Variants in C7orf78 observed in about 807,000 individuals in gnomAD.
C7orf78 encodes chromosome 7 open reading frame 78, also known as putative uncharacterized protein C7orf78.
At chr7:12,484,111 T>A in the C7orf78 span, 1 of 152,312 alleles carries the variant, frequency 6.6e-6, no homozygotes, top group South Asian at 2.1e-4. Context: ...AAGGGACGGA[T>A]AACTATAAAA....
the C7orf78 span, among the ~76,000 whole-genome samples, chr7:12,519,359 G>A: frequency 6.6e-6 from 1 of 152,168 alleles, no homozygotes; most frequent in African/African-American, 2.4e-5. Flanking sequence ...GGCAGCAAGA[G>A]CAGCTGCAGC....
chr7:12,500,622 T>C, the C7orf78 span, among the ~76,000 whole-genome samples: 8 of 151,818 alleles, frequency 5.3e-5, no homozygotes, highest in African/African-American at 1.7e-4. Context: ...CAGGACCAGA[T>C]GGATTCACAG....
the C7orf78 span, among the ~76,000 whole-genome samples, chr7:12,500,289 G>C: frequency 3.9e-5 from 6 of 151,938 alleles, no homozygotes; most frequent in East Asian, 1.2e-3. Flanking sequence ...ATGAATCCAG[G>C]AGCTTGTTTT....
the C7orf78 span, among the ~76,000 whole-genome samples, chr7:12,493,685 A>G: frequency 6.6e-6 from 1 of 152,204 alleles, no homozygotes; most frequent in Non-Finnish European, 1.5e-5. Flanking sequence ...TTAGATGTAT[A>G]ATCTTGGGCA....
the C7orf78 span, among the ~76,000 whole-genome samples, chr7:12,522,669 TA>T: frequency 8.0e-3 from 1,220 of 152,294 alleles, 18 homozygotes; most frequent in African/African-American, 0.028. Flanking sequence ...TCTATCCTAT[TA>T]CACAGGTTTT....
At chr7:12,516,067 A>G in the C7orf78 span, among the ~76,000 whole-genome samples, 1 of 152,192 alleles carries the variant, frequency 6.6e-6, no homozygotes, top group African/African-American at 2.4e-5. Flanking sequence ...AATGGGGAAA[A>G]TGTCTCTAGG....
At chr7:12,515,136 T>C in the C7orf78 span, among the ~76,000 whole-genome samples, 2 of 152,202 alleles carry the variant, frequency 1.3e-5, no homozygotes, top group Non-Finnish European at 2.9e-5. Flanking sequence ...CATGTCAATA[T>C]GGTTTGGCTG....
the C7orf78 span, among the ~76,000 whole-genome samples, chr7:12,514,326 C>T: frequency 0.018 from 2,797 of 152,006 alleles, 91 homozygotes; most frequent in African/African-American, 0.064. Flanking sequence ...TTTATTTTTA[C>T]TGTTTTTAAC....
chr7:12,510,334 G>A, the C7orf78 span, among the ~76,000 whole-genome samples: 2 of 152,056 alleles, frequency 1.3e-5, no homozygotes, highest in African/African-American at 4.8e-5. Flanking sequence ...ACAGGCACAT[G>A]CCACCATGCC....
the C7orf78 span, among the ~76,000 whole-genome samples, chr7:12,509,382 T>C: frequency 2.0e-5 from 3 of 152,220 alleles, no homozygotes; most frequent in Non-Finnish European, 4.4e-5. Context: ...GTTACTGCTT[T>C]GAGAGAACCT....
chr7:12,527,261 CCTAGTATATGCTATGTGTCACTCACTTTG>C, the C7orf78 span, among the ~76,000 whole-genome samples: 1 of 106,786 alleles, frequency 9.4e-6, no homozygotes, highest in Non-Finnish European at 1.8e-5. Flanking sequence ...TGTCAGCTTT[CCTAGTATATGCTATGTGTCACTCACTTTG>C]GTAGAAAATG....
chr7:12,504,893 T>C, the C7orf78 span, among the ~76,000 whole-genome samples: 1 of 152,106 alleles, frequency 6.6e-6, no homozygotes, highest in Non-Finnish European at 1.5e-5. Flanking sequence ...CTTATTAAGG[T>C]ATCAAGTGTA....
chr7:12,532,907 G>A, the C7orf78 span, among the ~76,000 whole-genome samples: 1 of 152,142 alleles, frequency 6.6e-6, no homozygotes, highest in Non-Finnish European at 1.5e-5. Context: ...TATAAAAAGA[G>A]TAGATATGTG....
chr7:12,519,856 C>T, the C7orf78 span, among the ~76,000 whole-genome samples: 1 of 152,176 alleles, frequency 6.6e-6, no homozygotes, highest in African/African-American at 2.4e-5. Flanking sequence ...GGAGATGGGA[C>T]AGCTGTTGTT....
At chr7:12,529,822 T>C in the C7orf78 span, among the ~76,000 whole-genome samples, 5 of 152,220 alleles carry the variant, frequency 3.3e-5, no homozygotes, top group Non-Finnish European at 4.4e-5. Context: ...CGGCATCTTT[T>C]ATTGAGTACA....
the C7orf78 span, among the ~76,000 whole-genome samples, chr7:12,511,807 A>G: frequency 1.3e-5 from 2 of 151,426 alleles, no homozygotes; most frequent in Non-Finnish European, 2.9e-5. Context: ...GCTGGAGTGC[A>G]GTGGCACGAT....
the C7orf78 span, among the ~76,000 whole-genome samples, chr7:12,511,782 T>C: frequency 5.1e-3 from 781 of 152,134 alleles, 4 homozygotes; most frequent in Non-Finnish European, 7.4e-3. Flanking sequence ...GATGGAGTCT[T>C]GCTCTGTCGC....
the C7orf78 span, among the ~76,000 whole-genome samples, chr7:12,504,773 C>G: frequency 3.9e-5 from 6 of 152,178 alleles, no homozygotes; most frequent in African/African-American, 1.4e-4. Flanking sequence ...TGCTAAAAGA[C>G]AGTGTTGAAT....
the C7orf78 span, among the ~76,000 whole-genome samples, chr7:12,500,197 A>C: frequency 1.3e-5 from 2 of 151,340 alleles, no homozygotes; most frequent in African/African-American, 4.9e-5. Flanking sequence ...AAACACATTC[A>C]AAAGCTAGCA....
Sources: allele counts gnomAD v4.1 joint callset (sites outside exome capture counted in the v4.1 genomes callset), GRCh38; gene constraint gnomAD v4.1.1; transcripts MANE v1.5; gene names NCBI Gene and HGNC (gene_info 2026-07-23, HGNC 2026-07-21).